XRN2: variants seen among roughly 807,000 people sequenced by gnomAD.
XRN2 encodes the protein DHM1-like protein.
In XRN2, 44 loss-of-function variants were observed where a neutral mutation model predicts 138.5. That is an observed-to-expected ratio of 0.32 (90% CI 0.25 to 0.41). The LOEUF is 0.41. Among genes scored for constraint, XRN2 ranks in the 10% least tolerant of loss-of-function variants. The pLI is 1.00. For missense variants in XRN2, 937 were observed against 1,169.3 expected (o/e 0.80, Z 2.90); for synonymous variants, 354 against 369.4 (o/e 0.96, Z 0.48).
At chr20:21,327,644 T>C (rs2038146146) in intron 3 of XRN2, among the ~76,000 whole-genome samples, 1 of 152,204 alleles carries the variant, frequency 6.6e-6, no homozygotes, top group Admixed American at 6.5e-5. Context: ...CAGTGTGTTC[T>C]TTCTGCTACA....
At chr20:21,354,915 A>G (rs752244302) in intron 21 of XRN2, 43 bp downstream of exon 21, 12 of 1,487,306 alleles carry the variant, frequency 8.1e-6, no homozygotes, top group Non-Finnish European at 1.8e-6. Context: ...TGTGTAATAT[A>G]CACTTTATAT....
intron 26 of XRN2, among the ~76,000 whole-genome samples, chr20:21,368,252 A>G (rs562898773): frequency 6.5e-4 from 99 of 152,352 alleles, no homozygotes; most frequent in Middle Eastern, 3.4e-3. Flanking sequence ...TTATCAATTA[A>G]GAGTCTTGGT....
intron 15 of XRN2, 103 bp from the exon 16 acceptor site, chr20:21,343,987 A>G (rs1273629717): frequency 1.5e-5 from 12 of 819,628 alleles, no homozygotes; most frequent in Non-Finnish European, 2.0e-5. Flanking sequence ...AGTAGCTTTA[A>G]AAATGTTACT....
intron 24 of XRN2, among the ~76,000 whole-genome samples, chr20:21,359,336 A>AC (rs1256494324): frequency 6.6e-6 from 1 of 152,120 alleles, no homozygotes; most frequent in Non-Finnish European, 1.5e-5. Context: ...GGAGTTCAAG[A>AC]CTAGCCTGGC....
chr20:21,326,856 A>G (rs966480631), intron 3 of XRN2, among the ~76,000 whole-genome samples: 3 of 152,178 alleles, frequency 2.0e-5, no homozygotes, highest in African/African-American at 7.2e-5. Flanking sequence ...TGTCAAAGGG[A>G]AGGAGGCATA....
chr20:21,326,269 T>C lies in XRN2; in HGVS notation c.76-10T>C. 2.5e-6 allele frequency: 4 copies of C among 1,611,880 alleles called. No homozygotes were observed. The highest frequency in any genetic ancestry group is 3.4e-6 in the Non-Finnish European group (4 of 1,178,620). ...CAATCAAACTACTATTAATTATCACTTCCTCATAGCCAAAAGAATGCAATG... is the reference window on the plus strand; with the variant it reads ...CAATCAAACTACTATTAATTATCACCTCCTCATAGCCAAAAGAATGCAATG... On this transcript the variant is annotated splice_polypyrimidine_tract_variant and intron_variant, in intron 1 of 29. Coordinates refer to ENST00000377191, the MANE Select transcript of XRN2 (RefSeq NM_012255.5).
intron 27 of XRN2, among the ~76,000 whole-genome samples, chr20:21,381,174 G>A (rs1302118449): frequency 6.6e-6 from 1 of 152,104 alleles, no homozygotes; most frequent in Non-Finnish European, 1.5e-5. Flanking sequence ...ATACATTATG[G>A]TAAGCGTTGT....
chr20:21,320,600 T>C (rs1273431150), intron 1 of XRN2, among the ~76,000 whole-genome samples: 10 of 151,240 alleles, frequency 6.6e-5, no homozygotes, highest in Non-Finnish European at 1.2e-4. Context: ...CGCCCGGCCT[T>C]ATTTATTTAT....
chr20:21,312,099 C>G (rs1162269143), intron 1 of XRN2, among the ~76,000 whole-genome samples: 1 of 151,844 alleles, frequency 6.6e-6, no homozygotes, highest in South Asian at 2.1e-4. Context: ...AGTCTTATGC[C>G]TTCTTTTAGG....
chr20:21,353,183 A>T (rs918511510), intron 20 of XRN2, among the ~76,000 whole-genome samples: 1 of 145,352 alleles, frequency 6.9e-6, no homozygotes, highest in Admixed American at 6.9e-5. Flanking sequence ...GTTTATATAT[A>T]TTTTATATAT....
intron 20 of XRN2, among the ~76,000 whole-genome samples, chr20:21,353,955 TCAGAA>T (rs2038545265): frequency 6.6e-6 from 1 of 152,196 alleles, no homozygotes; most frequent in Non-Finnish European, 1.5e-5. Context: ...AGCAGTAGTT[TCAGAA>T]TTATTTAACA....
At chr20:21,326,029 T>A (rs2038123987) in intron 1 of XRN2, among the ~76,000 whole-genome samples, 1 of 152,248 alleles carries the variant, frequency 6.6e-6, no homozygotes, top group Non-Finnish European at 1.5e-5. Flanking sequence ...TTGAACAACC[T>A]GAATGATTTG....
intron 23 of XRN2, 126 bp downstream of exon 23, chr20:21,356,791 C>A: frequency 3.5e-6 from 3 of 847,324 alleles, no homozygotes; most frequent in Non-Finnish European, 5.4e-6. Flanking sequence ...AAGACAAAAC[C>A]TTGCTGACTG....
chr20:21,311,939 G>A (rs1360258505), intron 1 of XRN2, among the ~76,000 whole-genome samples: 1 of 152,076 alleles, frequency 6.6e-6, no homozygotes, highest in Admixed American at 6.5e-5. Flanking sequence ...AGATTGTAGT[G>A]AGCTGAGATT....
At chr20:21,386,208 T>A (rs2038934909) in intron 28 of XRN2, among the ~76,000 whole-genome samples, 1 of 152,240 alleles carries the variant, frequency 6.6e-6, no homozygotes, top group Non-Finnish European at 1.5e-5. Flanking sequence ...AGCCGTTGAA[T>A]CTGTGTTCCC....
At chr20:21,349,346 G>A (rs2038477908) in intron 19 of XRN2, 43 bp from the exon 20 acceptor site, 1 of 1,265,370 alleles carries the variant, frequency 7.9e-7, no homozygotes, top group Admixed American at 1.7e-5. Context: ...TAACAGAGAT[G>A]TGTGACTTCT....
chr20:21,378,717 A>G (rs548575532), intron 27 of XRN2, among the ~76,000 whole-genome samples: 2 of 152,374 alleles, frequency 1.3e-5, no homozygotes, highest in South Asian at 2.1e-4. Context: ...ATTGAGTTCT[A>G]AGCCATTTAT....
At position 21,354,799 on chromosome 20, in the gene XRN2, C is replaced by A; in HGVS notation, c.1947C>A (p.Leu649=). Residue 649 remains leucine (L), a synonymous_variant, in exon 21 of 30, where the codon CTC becomes CTA. Transcript: ENST00000377191. ...GKKYAWQGVA[L]LPFVDERRLR... is the part of the protein sequence containing the mutation. ...CACTTGTTTTTTCAGGTGTTGCTCT[C>A]TTGCCATTCGTGGATGAGCGAAGGC... is the stretch of plus-strand genomic sequence containing the variant. 3.1e-6 allele frequency: 5 copies of A among 1,613,924 alleles called. No homozygotes were observed. Among genetic ancestry groups the A allele is most frequent in the Non-Finnish European group, 4.2e-6 (5 of 1,179,920 alleles).
chr20:21,353,770 G>T (rs1056496855), intron 20 of XRN2, among the ~76,000 whole-genome samples: 1 of 149,238 alleles, frequency 6.7e-6, no homozygotes, highest in African/African-American at 2.5e-5. Context: ...ACTCCAGCTT[G>T]GGTGACAGAG....
Sources: gnomAD v4.1 joint callset for allele counts (sites outside exome capture counted in the v4.1 genomes callset) on GRCh38, gnomAD v4.1.1 for gene constraint, MANE v1.5 for transcripts, NCBI Gene and HGNC (gene_info 2026-07-23, HGNC 2026-07-21) for gene names.